SLC30A3: variants seen among roughly 807,000 people sequenced by gnomAD.
SLC30A3 encodes the protein probable proton-coupled zinc antiporter SLC30A3.
In SLC30A3, 20 loss-of-function variants were observed where a neutral mutation model predicts 35.6. The observed-to-expected ratio is 0.56, with a 90% CI of 0.39 to 0.82. SLC30A3 has a LOEUF of 0.82. SLC30A3 is among the 40% of genes least tolerant of loss of function. The pLI, the probability that SLC30A3 is intolerant of heterozygous loss-of-function variation, is 0.00. For missense variants in SLC30A3, 401 were observed against 530.6 expected, an observed-to-expected ratio of 0.76 and a Z score of 2.40; for synonymous variants, 217 against 224.7, an observed-to-expected ratio of 0.97 and a Z score of 0.31.
Position 27,262,939 on chromosome 2 carries a change from G to A in SLC30A3, c.-33C>T. On this transcript the variant is annotated 5_prime_UTR_variant, in exon 1 of 8. Coordinates refer to ENST00000233535, the MANE Select transcript of SLC30A3 (RefSeq NM_003459.5). This position sits in a 1 kb window ranked among gnomAD's most constrained non-coding sequence, Gnocchi z 7.5. ...GTGCCCCGACCGTCTAGGCCCCACC[G>A]AGGAAGAGAGAGGCCGGGCCGGCCC... 4 of 1,505,492 alleles carry A rather than the reference G, an allele frequency of 2.7e-6. No individual in the cohort carries two copies. The highest frequency in any genetic ancestry group is 3.5e-6 in the Non-Finnish European group (4 of 1,137,824). 93.3% of individuals were successfully genotyped at this position (1,505,492 alleles called of 1,614,324 possible).
At chr2:27,263,094 C>T, upstream of SLC30A3, 2 of 1,347,812 alleles carry the variant, frequency 1.5e-6, no homozygotes, top group Non-Finnish European at 1.9e-6. Flanking sequence ...GCCGGAGCCC[C>T]GCCCCGCGTG....
Position 27,257,910 on chromosome 2 carries a change from G to A in SLC30A3, c.573C>T (p.Asn191=), listed in dbSNP as rs1572471322. The A allele has an allele frequency of 3.1e-6, 5 of 1,613,754 alleles. No homozygotes were observed. The African/African-American group carries it at 4.0e-5, about 13-fold the overall frequency. The change falls in exon 4 of 8, where the codon AAC becomes AAT. Residue 191 remains asparagine (N), a synonymous_variant. Transcript: ENST00000233535. This position sits in a 1 kb window ranked among gnomAD's most constrained non-coding sequence, Gnocchi z 4.7. ...LLTASIAVCA[N]LLMAFVLHQA... ...TGCTCCATACTGGGACGTACAACAG[G>A]TTGGCACAGACTGCGATGCTGGCGG...
chr2:27,260,504 CACT>C (rs1182654857), intron 1 of SLC30A3, among the ~76,000 whole-genome samples: 1 of 152,146 alleles, frequency 6.6e-6, no homozygotes, highest in African/African-American at 2.4e-5. Flanking sequence ...TCAGCCCCAC[CACT>C]ACCCAACCTG....
At position 27,262,900 on chromosome 2, in the gene SLC30A3, G is replaced by T; in HGVS notation, c.7C>A (p.Pro3Thr). 1 of 1,558,188 alleles carries T rather than the reference G, an allele frequency of 6.4e-7. No individual in the cohort carries two copies. The change falls in exon 1 of 8, where the codon CCC (proline) becomes ACC (threonine). Residue 3 changes from proline (P) to threonine (T), a missense_variant. Coordinates refer to ENST00000233535, the MANE Select transcript of SLC30A3 (RefSeq NM_003459.5). The surrounding 1 kb of genome is among the most constrained non-coding windows in gnomAD (Gnocchi z 7.5). The part of the protein sequence containing the change: ME[P>T]SPAAGGLETT... ...TCCAAGCCCCCAGCGGCTGGAGAGG[G>T]CTCCATGTTCCCGGTGCCCCGACCG...
chr2:27,265,279 G>C (rs556342564), upstream of SLC30A3, among the ~76,000 whole-genome samples: 151 of 152,372 alleles, frequency 9.9e-4, no homozygotes, highest in African/African-American at 3.6e-3. The surrounding 1 kb of genome is among the most constrained non-coding windows in gnomAD (Gnocchi z 5.9). Context: ...GCCTCGCAGC[G>C]CGTGGCCAAA....
upstream of SLC30A3, among the ~76,000 whole-genome samples, chr2:27,266,058 T>C (rs1048675708): frequency 1.9e-4 from 29 of 150,160 alleles, no homozygotes; most frequent in Non-Finnish European, 3.5e-4. Flanking sequence ...TTCTGTTTTG[T>C]TCTTTTTTTT....
At position 27,254,953 on chromosome 2, in the gene SLC30A3, AG is replaced by A; in HGVS notation, c.*358del. 1.3e-6 allele frequency: 1 copy of A among 782,318 alleles called. No individual in the cohort carries two copies. Among genetic ancestry groups the A allele is most frequent in the Non-Finnish European group, 1.8e-6 (1 of 567,164 alleles). The allele number at this position is 782,318 out of a possible 1,614,324, so 48.5% of individuals were successfully genotyped here. On this transcript the variant is annotated 3_prime_UTR_variant, in exon 8 of 8. Transcript: ENST00000233535. ...CATAGACAGGCAGATGCCCCCAGCCAGCCAGCCTGCCACACAGACAAATGGA... is the reference window on the plus strand; with the variant it reads ...CATAGACAGGCAGATGCCCCCAGCCACCAGCCTGCCACACAGACAAATGGA...
In SLC30A3 at chr2:27,258,180, GGTCATGGTGCGGGTGGCTGGACGGGT is replaced by G. The variant is rs1289616790; in HGVS notation, c.379_404del (p.Thr127LeufsTer75). On this transcript the variant is annotated frameshift_variant, in exon 3 of 8. Transcript: ENST00000233535. LOFTEE classifies it high-confidence loss of function. This position sits in a 1 kb window ranked among gnomAD's most constrained non-coding sequence, Gnocchi z 4.0. The stretch of plus-strand genomic sequence containing the variant: ...CCTTACCTGAACGGTGCCAGCCAAA[GGTCATGGTGCGGGTGGCTGGACGGGT>G]GGAGAGCCAGAGGGAGAAGAGGCTG... 2 of 1,596,708 alleles carry G rather than the reference GGTCATGGTGCGGGTGGCTGGACGGGT, an allele frequency of 1.3e-6. No individual in the cohort carries two copies.
upstream of SLC30A3, chr2:27,275,441 C>A (rs1189576642): frequency 5.6e-6 from 2 of 356,016 alleles, no homozygotes; most frequent in Non-Finnish European, 1.1e-5. Flanking sequence ...CTGCCCAGAC[C>A]CTCAGCGTCG....
rs937650910 is a variant in SLC30A3, at chr2:27,257,689, G to T, written c.578+216C>A. The stretch of plus-strand genomic sequence containing the variant: ...ATCATGTTGATGAAAGCCCTCATCA[G>T]AGTGGCTGGCCCATGGCAGGCCCTT... On this transcript the variant is annotated intron_variant, in intron 4 of 7. Coordinates refer to ENST00000233535, the MANE Select transcript of SLC30A3 (RefSeq NM_003459.5). The surrounding 1 kb of genome is among the most constrained non-coding windows in gnomAD (Gnocchi z 4.7). 2.6e-5 allele frequency: 16 copies of T among 608,682 alleles called. No individual in the cohort carries two copies. The highest frequency in any genetic ancestry group is 4.6e-5 in the Non-Finnish European group (16 of 345,824). The allele number at this position is 608,682 out of a possible 1,614,324, so 37.7% of individuals were successfully genotyped here.
rs189909701 is a variant in SLC30A3 at position 27,257,802 on chromosome 2, G to A, written c.578+103C>T. ...GCAGCCCATGGAGAGCTGTGTGTGCGTGTCTGTGTGTCTGGTGGGGAGGAG... is the reference window on the plus strand; with the variant it reads ...GCAGCCCATGGAGAGCTGTGTGTGCATGTCTGTGTGTCTGGTGGGGAGGAG... On this transcript the variant is annotated intron_variant, in intron 4 of 7. Coordinates refer to ENST00000233535, the MANE Select transcript of SLC30A3 (RefSeq NM_003459.5). The surrounding 1 kb of genome is among the most constrained non-coding windows in gnomAD (Gnocchi z 4.7). 82 of 1,167,908 alleles carry A rather than the reference G, an allele frequency of 7.0e-5. No individual in the cohort carries two copies. The African/African-American group carries it at 8.3e-4, about 12-fold the overall frequency. The allele number at this position is 1,167,908 out of a possible 1,614,324, so 72.3% of individuals were successfully genotyped here. A position where few individuals can be genotyped will look rare whatever the true frequency, so the allele number is the denominator to read the frequency against.
rs1676990747 is a variant in SLC30A3, at chr2:27,258,314, G to A, written c.278-7C>T. 1 of 1,514,676 alleles carries A rather than the reference G, an allele frequency of 6.6e-7. No homozygotes were observed. Among genetic ancestry groups the A allele is most frequent in the South Asian group, 1.3e-5 (1 of 75,134 alleles). 93.8% of individuals were successfully genotyped at this position (1,514,676 alleles called of 1,614,324 possible). A position where few individuals can be genotyped will look rare whatever the true frequency, so the allele number is the denominator to read the frequency against. The stretch of plus-strand genomic sequence containing the variant: ...CTGTGTGCCAGATACCCGCCTGCCA[G>A]GGTGAAATGATGGAGTCTGCTTCCA... On this transcript the variant is annotated splice_region_variant and splice_polypyrimidine_tract_variant and intron_variant, in intron 2 of 7. Coordinates refer to ENST00000233535, the MANE Select transcript of SLC30A3 (RefSeq NM_003459.5). This position sits in a 1 kb window ranked among gnomAD's most constrained non-coding sequence, Gnocchi z 4.0.
intron 1 of SLC30A3, among the ~76,000 whole-genome samples, chr2:27,260,827 T>C (rs975644050): frequency 3.3e-5 from 5 of 152,098 alleles, no homozygotes; most frequent in African/African-American, 9.7e-5. Flanking sequence ...AATCTGGGCG[T>C]GTATGATTCT....
At chr2:27,269,625 T>C (rs914619330) in intron 1 of SLC30A3, among the ~76,000 whole-genome samples, 1 of 151,540 alleles carries the variant, frequency 6.6e-6, no homozygotes, top group African/African-American at 2.4e-5. Flanking sequence ...AAGCCATGGG[T>C]GTAGACTGAC....
chr2:27,254,792 A>G lies in SLC30A3; in HGVS notation c.*520T>C. 1 of 285,624 alleles carries G rather than the reference A, an allele frequency of 3.5e-6. No homozygotes were observed. Among genetic ancestry groups the G allele is most frequent in the South Asian group, 3.5e-5 (1 of 28,284 alleles). The allele number at this position is 285,624 out of a possible 1,614,324, so 17.7% of individuals were successfully genotyped here. A position where few individuals can be genotyped will look rare whatever the true frequency, so the allele number is the denominator to read the frequency against. On this transcript the variant is annotated 3_prime_UTR_variant, in exon 8 of 8. Transcript: ENST00000233535. ...CACACACACACACACACACACACAC[A>G]CACACACAGACAAAACCACAGGGCT...
At chr2:27,274,385 G>A (rs545481109) in intron 1 of SLC30A3, among the ~76,000 whole-genome samples, 36 of 152,186 alleles carry the variant, frequency 2.4e-4, no homozygotes, top group African/African-American at 8.2e-4. Flanking sequence ...ACAAATAACT[G>A]TAATAAAAGG....
intron 1 of SLC30A3, chr2:27,261,917 G>A (rs1177309217): frequency 3.9e-5 from 6 of 152,080 alleles, no homozygotes; most frequent in Non-Finnish European, 5.9e-5. Flanking sequence ...GAAGCACCAC[G>A]TCAGAGACAA....
intron 6 of SLC30A3, 109 bp from the exon 7 acceptor site, chr2:27,256,629 C>A: frequency 6.8e-7 from 1 of 1,477,984 alleles, no homozygotes. Flanking sequence ...CTCCTTTTGA[C>A]CCCTACAATT....
At chr2:27,275,274 T>C in exon 1 of SLC30A3, 3 of 1,219,692 alleles carry the variant, frequency 2.5e-6, no homozygotes, top group Non-Finnish European at 3.3e-6. Context: ...AGGGGCTCGG[T>C]GGGAATCCCT....
Sources: gnomAD v4.1 joint callset for allele counts (sites outside exome capture counted in the v4.1 genomes callset) on GRCh38, gnomAD v4.1.1 for gene constraint, Gnocchi (gnomAD v3.1) non-coding constraint, MANE v1.5 for transcripts, NCBI Gene and HGNC (gene_info 2026-07-23, HGNC 2026-07-21) for gene names.